MAP2: variants seen among roughly 807,000 people sequenced by gnomAD.
MAP2 encodes the protein microtubule associated protein 2.
Under a neutral mutation model 137.6 loss-of-function variants are expected in MAP2, and 14 were observed. The observed-to-expected ratio is 0.10, with a 90% confidence interval of 0.07 to 0.16. The LOEUF (loss-of-function observed/expected upper bound fraction) is 0.16, where lower values mean the gene tolerates loss of function less well. Ranked by LOEUF, MAP2 falls within the 10% of genes least tolerant of loss-of-function variation. MAP2 has a pLI of 1.00. For synonymous variants in MAP2, 786 were observed against 782.3 expected (o/e 1.00, Z -0.08); for missense variants, 2,088 against 2,191.5 (o/e 0.95, Z 0.94).
At chr2:209,643,835 A>C (rs1424221659) in intron 4 of MAP2, among the ~76,000 whole-genome samples, 7 of 152,214 alleles carry the variant, frequency 4.6e-5, no homozygotes, top group African/African-American at 9.6e-5. Context: ...CCATCAACTC[A>C]TCATAAATGT....
chr2:209,694,234 A>T lies in MAP2; in HGVS notation c.2064A>T (p.Gly688=). 1 of 1,614,058 alleles carries T rather than the reference A, an allele frequency of 6.2e-7. No homozygotes were observed. The highest frequency in any genetic ancestry group is 8.5e-7 in the Non-Finnish European group (1 of 1,179,990). ...KDDLTLSRSL[G]LGGRSAIEQR... is the part of the protein sequence containing the mutation. ...ATTTGACCCTTAGCAGGAGTTTAGG[A>T]CTTGGTGGTAGGTCTGCAATAGAAC... Residue 688 remains glycine (G), a synonymous_variant, in exon 8 of 16, where the codon GGA becomes GGT. Transcript: ENST00000682079.
At position 209,695,691 on chromosome 2, in the gene MAP2, C is replaced by T. The variant is rs781670221; in HGVS notation, c.3521C>T (p.Pro1174Leu). The T allele has an allele frequency of 6.2e-7, 1 of 1,614,058 alleles. No homozygotes were observed. Residue 1174 changes from proline to leucine, a missense_variant, in exon 8 of 16, where the codon CCT (proline) becomes CTT (leucine). Pro to Leu is a moderately conservative substitution (Grantham distance 98). This residue lies in a region of MAP2 where 591 missense variants were observed against 642.6 expected (regional missense o/e 0.92). Coordinates refer to ENST00000682079, the MANE Select transcript of MAP2 (RefSeq NM_001375505.1). The stretch of plus-strand genomic sequence containing the variant: ...GCCGTCAAATTGTCAGTGGAAATAC[C>T]TTGCCCACCTGCTGTTTCAGAGGCT... ...EIAVKLSVEI[P>L]CPPAVSEADL...
At chr2:209,495,371 C>T (rs555118415) in intron 1 of MAP2, among the ~76,000 whole-genome samples, 1 of 152,374 alleles carries the variant, frequency 6.6e-6, no homozygotes, top group East Asian at 1.9e-4. Context: ...GAGCCCCTGA[C>T]CCCCGTGCCT....
chr2:209,639,696 C>T (rs1013339922), intron 4 of MAP2, among the ~76,000 whole-genome samples: 1 of 152,126 alleles, frequency 6.6e-6, no homozygotes, highest in Non-Finnish European at 1.5e-5. Flanking sequence ...TGGCCATCGA[C>T]CTCATTTCCA....
At chr2:209,718,033 G>A (rs1190237793) in intron 13 of MAP2, among the ~76,000 whole-genome samples, 4 of 152,054 alleles carry the variant, frequency 2.6e-5, no homozygotes, top group Non-Finnish European at 5.9e-5. Flanking sequence ...GTTTTGTTTT[G>A]TTTTTTGATA....
intron 2 of MAP2, among the ~76,000 whole-genome samples, chr2:209,528,533 A>G (rs931136144): frequency 2.0e-5 from 3 of 152,050 alleles, no homozygotes; most frequent in Non-Finnish European, 4.4e-5. Context: ...CAGTTGCCAC[A>G]TTTCATTCTT....
intron 1 of MAP2, among the ~76,000 whole-genome samples, chr2:209,426,205 G>T (rs1462491567): frequency 6.6e-6 from 1 of 151,998 alleles, no homozygotes; most frequent in Non-Finnish European, 1.5e-5. Context: ...TTTACAGTTT[G>T]CTACAATATT....
intron 1 of MAP2, among the ~76,000 whole-genome samples, chr2:209,476,813 C>G (rs1035007380): frequency 1.3e-5 from 2 of 152,048 alleles, no homozygotes; most frequent in African/African-American, 4.8e-5. Context: ...CTTTCTTATA[C>G]TAAATTAAAC....
intron 1 of MAP2, among the ~76,000 whole-genome samples, chr2:209,455,769 G>A (rs1445568793): frequency 6.6e-6 from 1 of 152,240 alleles, no homozygotes; most frequent in East Asian, 1.9e-4. Context: ...CTTGCTTGTG[G>A]TGATTTAGAA....
chr2:209,634,249 A>G (rs1038372682), intron 4 of MAP2, among the ~76,000 whole-genome samples: 4 of 152,178 alleles, frequency 2.6e-5, no homozygotes, highest in Non-Finnish European at 5.9e-5. Context: ...TGCTACTTCT[A>G]TTAGTCTCAT....
At chr2:209,512,580 CACACACACACACACACACACAA>C (rs1277174129) in intron 2 of MAP2, among the ~76,000 whole-genome samples, 8 of 150,382 alleles carry the variant, frequency 5.3e-5, no homozygotes, top group African/African-American at 2.0e-4. Flanking sequence ...CACACACACA[CACACACACACACACACACACAA>C]ACACATATAT....
chr2:209,704,120 C>T (rs2062625879), intron 11 of MAP2: 2 of 449,106 alleles, frequency 4.5e-6, no homozygotes, highest in African/African-American at 2.0e-5. Flanking sequence ...TCAATCCTTC[C>T]CCCACTTTTG....
At chr2:209,663,177 C>A (rs1372240692) in intron 5 of MAP2, among the ~76,000 whole-genome samples, 1 of 152,116 alleles carries the variant, frequency 6.6e-6, no homozygotes, top group Non-Finnish European at 1.5e-5. Context: ...CTTTCTACTT[C>A]AGTGTGTCAA....
At chr2:209,516,271 C>T (rs2062483793) in intron 2 of MAP2, among the ~76,000 whole-genome samples, 2 of 140,884 alleles carry the variant, frequency 1.4e-5, no homozygotes, top group Non-Finnish European at 3.0e-5. Context: ...TATTGATCTT[C>T]AGAATGATAA....
chr2:209,562,415 G>T (rs529952459), intron 2 of MAP2, among the ~76,000 whole-genome samples: 3 of 151,642 alleles, frequency 2.0e-5, no homozygotes, highest in Admixed American at 6.6e-5. Context: ...AGCTAATGCA[G>T]GTTAGGCACG....
chr2:209,512,457 T>A (rs1400423391), intron 2 of MAP2, among the ~76,000 whole-genome samples: 1 of 151,672 alleles, frequency 6.6e-6, no homozygotes, highest in Non-Finnish European at 1.5e-5. Context: ...TGTAATAAAT[T>A]CTGACGCTTC....
intron 2 of MAP2, among the ~76,000 whole-genome samples, chr2:209,576,362 G>T (rs1211399740): frequency 6.6e-6 from 1 of 152,016 alleles, no homozygotes; most frequent in Admixed American, 6.6e-5. Context: ...TCCTGCCTCA[G>T]CTTCCCAAGT....
At chr2:209,434,210 T>A (rs894350964) in intron 1 of MAP2, among the ~76,000 whole-genome samples, 1 of 152,026 alleles carries the variant, frequency 6.6e-6, no homozygotes, top group African/African-American at 2.4e-5. Flanking sequence ...CTCTGTTGAG[T>A]TTAGCTTTAA....
chr2:209,450,823 T>G (rs1435591568), intron 1 of MAP2, among the ~76,000 whole-genome samples: 1 of 152,168 alleles, frequency 6.6e-6, no homozygotes, highest in African/African-American at 2.4e-5. Flanking sequence ...ATCACCTCAG[T>G]GTAGCTTATT....
Sources: allele counts gnomAD v4.1 joint callset (sites outside exome capture counted in the v4.1 genomes callset), GRCh38; gene constraint gnomAD v4.1.1; regional missense constraint gnomAD v4.1.1; transcripts MANE v1.5; gene names NCBI Gene and HGNC (gene_info 2026-07-23, HGNC 2026-07-21).